The following GABRG3 variants were observed in gnomAD, a reference collection of about 807,000 sequenced individuals.
GABRG3 encodes gamma-aminobutyric acid receptor subunit gamma-3.
In GABRG3, 25 loss-of-function variants were observed where a neutral mutation model predicts 48.8. The observed-to-expected ratio is 0.51, with a 90% CI of 0.37 to 0.72. The LOEUF is 0.72. Ranked by LOEUF, GABRG3 falls within the 30% of genes least tolerant of loss-of-function variation. The pLI is 0.00. For synonymous variants in GABRG3, 227 were observed against 217.6 expected, an observed-to-expected ratio of 1.04 and a Z score of -0.38; for missense variants, 394 against 577.9, an observed-to-expected ratio of 0.68 and a Z score of 3.26.
At chr15:27,219,315 T>C (rs1024451791) in intron 3 of GABRG3, among the ~76,000 whole-genome samples, 1 of 151,686 alleles carries the variant, frequency 6.6e-6, no homozygotes, top group Non-Finnish European at 1.5e-5. Flanking sequence ...GACCATTGTT[T>C]GTGCTCCTCC....
intron 3 of GABRG3, among the ~76,000 whole-genome samples, chr15:27,200,374 T>C (rs1480552786): frequency 6.6e-6 from 1 of 152,232 alleles, no homozygotes; most frequent in Non-Finnish European, 1.5e-5. Flanking sequence ...TCTTAAAATA[T>C]ATGCTTCCTT....
intron 3 of GABRG3, among the ~76,000 whole-genome samples, chr15:27,312,796 GAC>G (rs1472523113): frequency 1.3e-5 from 2 of 151,736 alleles, no homozygotes; most frequent in Non-Finnish European, 2.9e-5. Flanking sequence ...GAAACCAAAA[GAC>G]ACTAAACAGC....
intron 3 of GABRG3, among the ~76,000 whole-genome samples, chr15:27,213,071 A>G (rs1889124885): frequency 6.6e-6 from 1 of 152,142 alleles, no homozygotes; most frequent in African/African-American, 2.4e-5. Flanking sequence ...CTAGTGCTGT[A>G]TTACATAAGA....
chr15:27,250,953 C>A (rs1890435095), intron 3 of GABRG3, among the ~76,000 whole-genome samples: 1 of 152,192 alleles, frequency 6.6e-6, no homozygotes, highest in Non-Finnish European at 1.5e-5. Context: ...CCAGGGAGAA[C>A]TGGATCTTCA....
chr15:27,027,784 G>A lies in GABRG3; in HGVS notation c.270+963G>A, dbSNP rs143415630. 5.7e-3 allele frequency among the ~76,000 whole-genome samples: 864 copies of A among 152,278 alleles called. 8 individuals are homozygous for A. Among genetic ancestry groups the A allele is most frequent in the Middle Eastern group, 0.024 (7 of 294 alleles). ...CACAACCTATGTGCTGCAGATGGCTGTATATTAAAATCAAGTTGTGAGTGT... is the reference window on the plus strand; with the variant it reads ...CACAACCTATGTGCTGCAGATGGCTATATATTAAAATCAAGTTGTGAGTGT... On this transcript the variant is annotated intron_variant, in intron 3 of 9. Transcript: ENST00000615808.
chr15:27,032,760 G>A (rs1297521209), intron 3 of GABRG3, among the ~76,000 whole-genome samples: 1 of 152,148 alleles, frequency 6.6e-6, no homozygotes, highest in Non-Finnish European at 1.5e-5. Flanking sequence ...AGATTTGGAG[G>A]GGATGAAACA....
intron 3 of GABRG3, among the ~76,000 whole-genome samples, chr15:27,104,986 G>T (rs947869735): frequency 4.6e-5 from 7 of 152,092 alleles, no homozygotes; most frequent in Non-Finnish European, 8.8e-5. Context: ...TGGCAGAGTG[G>T]ATTAAAACAT....
intron 7 of GABRG3, among the ~76,000 whole-genome samples, chr15:27,521,052 G>A (rs1397211141): frequency 6.6e-6 from 1 of 151,918 alleles, no homozygotes; most frequent in Non-Finnish European, 1.5e-5. Flanking sequence ...ACTAACCCTT[G>A]GGGTTATGGC....
At chr15:27,475,437 CGTGATGATGATGGCGATGATT>C (rs1414589020) in intron 5 of GABRG3, among the ~76,000 whole-genome samples, 3 of 151,702 alleles carry the variant, frequency 2.0e-5, no homozygotes, top group Admixed American at 1.3e-4. Context: ...TGATGATGAC[CGTGATGATGATGGCGATGATT>C]GTGATGATGA....
At chr15:27,271,615 C>T in intron 3 of GABRG3, 3 of 455,642 alleles carry the variant, frequency 6.6e-6, no homozygotes, top group Non-Finnish European at 1.3e-5. Context: ...CAGTCACAAA[C>T]ATGGCAGGAA....
rs185428450 is a variant in GABRG3, at chr15:27,409,459, A to C, written c.575-71191A>C. ...TTCTGTTTCATTGATCTGTGTATGT[A>C]CCCTCCACCAATGGTAAACTGTCTC... is the stretch of plus-strand genomic sequence containing the variant. On this transcript the variant is annotated intron_variant, in intron 5 of 9. Transcript: ENST00000615808. Among the ~76,000 whole-genome samples the C allele has an allele frequency of 7.2e-5, 11 of 152,114 alleles. No individual in the cohort carries two copies. The East Asian group carries it at 1.6e-3, about 21-fold the overall frequency.
At chr15:27,251,120 A>G (rs974805089) in intron 3 of GABRG3, among the ~76,000 whole-genome samples, 2 of 152,150 alleles carry the variant, frequency 1.3e-5, no homozygotes, top group Non-Finnish European at 2.9e-5. Flanking sequence ...AGTGACTGGG[A>G]AGGTCAACCT....
chr15:27,232,359 C>T (rs932042293), intron 3 of GABRG3, among the ~76,000 whole-genome samples: 2 of 152,176 alleles, frequency 1.3e-5, no homozygotes, highest in Admixed American at 1.3e-4. Context: ...ACTCTGCACG[C>T]GTCTGGTTTG....
intron 3 of GABRG3, among the ~76,000 whole-genome samples, chr15:27,297,164 A>G (rs1245622507): frequency 6.6e-6 from 1 of 152,250 alleles, no homozygotes; most frequent in African/African-American, 2.4e-5. Flanking sequence ...GTATAGTAGT[A>G]CATATGTTTG....
chr15:27,141,696 T>TA (rs1328319945), intron 3 of GABRG3, among the ~76,000 whole-genome samples: 1 of 152,192 alleles, frequency 6.6e-6, no homozygotes, highest in Non-Finnish European at 1.5e-5. Context: ...AAGTATTTAA[T>TA]AAAAAATATG....
chr15:27,525,098 A>G (rs549279593), intron 7 of GABRG3, among the ~76,000 whole-genome samples: 30 of 152,254 alleles, frequency 2.0e-4, no homozygotes, highest in Non-Finnish European at 1.5e-5. Context: ...CACCCAAACC[A>G]TGAAATACTA....
chr15:27,088,474 G>A (rs1294675395), intron 3 of GABRG3, among the ~76,000 whole-genome samples: 1 of 152,068 alleles, frequency 6.6e-6, no homozygotes, highest in African/African-American at 2.4e-5. Context: ...GGCAGGCTGC[G>A]GGTGAACACT....
intron 6 of GABRG3, among the ~76,000 whole-genome samples, chr15:27,514,972 G>A (rs1452388928): frequency 6.6e-6 from 1 of 151,862 alleles, no homozygotes. Flanking sequence ...AATGGTCCTG[G>A]GTTATTAAGG....
rs1007396451 is a variant in GABRG3, at chr15:27,311,518, A to G, written c.271-15291A>G. ...GAGATGACAATTTGATCTAATATGCAGCTAGTCGCCACAGCTTTCTCTCCA... is the reference window on the plus strand; with the variant it reads ...GAGATGACAATTTGATCTAATATGCGGCTAGTCGCCACAGCTTTCTCTCCA... On this transcript the variant is annotated intron_variant, in intron 3 of 9. Transcript: ENST00000615808. Among the ~76,000 whole-genome samples, 76 of 152,254 alleles carry G rather than the reference A, an allele frequency of 5.0e-4. 2 individuals are homozygous for G. The highest frequency in any genetic ancestry group is 1.5e-3 in the African/African-American group (63 of 41,570).
Sources: gnomAD v4.1 joint callset for allele counts (sites outside exome capture counted in the v4.1 genomes callset) on GRCh38, gnomAD v4.1.1 for gene constraint, MANE v1.5 for transcripts, NCBI Gene and HGNC (gene_info 2026-07-23, HGNC 2026-07-21) for gene names.